Variants in MAPK14 observed in about 807,000 individuals in gnomAD.
MAPK14 encodes mitogen-activated protein kinase 14, also known as CSAID-binding protein.
In MAPK14, 16 loss-of-function variants were observed where a neutral mutation model predicts 49.6. The ratio of observed to expected loss-of-function variants is 0.32; its 90% CI spans 0.22 to 0.49. MAPK14 has a LOEUF of 0.49. Ranked by LOEUF, MAPK14 falls within the 20% of genes least tolerant of loss-of-function variation. MAPK14 has a pLI of 0.99. For synonymous variants in MAPK14, 142 were observed against 158.0 expected (o/e 0.90, Z 0.76); for missense variants, 200 against 441.2 (o/e 0.45, Z 4.90).
chr6:36,106,331 AG>A (rs1313641180), intron 10 of MAPK14, among the ~76,000 whole-genome samples: 1 of 152,182 alleles, frequency 6.6e-6, no homozygotes, highest in African/African-American at 2.4e-5. Flanking sequence ...GGACAATCAG[AG>A]GGTCTCTTTA....
At chr6:36,064,626 C>T (rs851014) in intron 3 of MAPK14, among the ~76,000 whole-genome samples, 1,605 of 152,276 alleles carry the variant, frequency 0.011, 11 homozygotes, top group Non-Finnish European at 0.019. Context: ...AATGATTGCT[C>T]AACTAATAAG....
chr6:36,027,935 G>T lies in MAPK14; in HGVS notation c.-223G>T, dbSNP rs1479690226. 2 of 425,846 alleles carry T rather than the reference G, an allele frequency of 4.7e-6. No individual in the cohort carries two copies. Among genetic ancestry groups the T allele is most frequent in the Non-Finnish European group, 8.2e-6 (2 of 245,390 alleles). 26.4% of individuals were successfully genotyped at this position (425,846 alleles called of 1,614,324 possible). A position where few individuals can be genotyped will look rare whatever the true frequency, so the allele number is the denominator to read the frequency against. ...GTCTTGAGCGCCGGAGCGCGTCCCT[G>T]CCCTTAGCGGGGCTTGCCCCAGTCG... is the stretch of plus-strand genomic sequence containing the variant. On this transcript the variant is annotated 5_prime_UTR_variant, in exon 1 of 12. Transcript: ENST00000229794.
chr6:36,118,551 G>C, the MAPK14 span, among the ~76,000 whole-genome samples: 7 of 152,308 alleles, frequency 4.6e-5, no homozygotes, highest in Admixed American at 4.6e-4. Context: ...GGCGTCCAGG[G>C]CTGCATGTCC....
intron 1 of MAPK14, among the ~76,000 whole-genome samples, chr6:36,042,065 T>A (rs186192257): frequency 6.6e-6 from 1 of 152,020 alleles, no homozygotes; most frequent in Admixed American, 6.5e-5. Flanking sequence ...AGAGAATAGA[T>A]ATGAAAAGGA....
intron 8 of MAPK14, among the ~76,000 whole-genome samples, chr6:36,082,231 G>A (rs917714464): frequency 3.3e-5 from 5 of 152,144 alleles, no homozygotes; most frequent in Admixed American, 2.0e-4. Context: ...CTTGTCTAAT[G>A]TAATGGCTCT....
At chr6:36,103,719 T>G (rs1480002033) in intron 10 of MAPK14, among the ~76,000 whole-genome samples, 2 of 152,154 alleles carry the variant, frequency 1.3e-5, no homozygotes, top group African/African-American at 2.4e-5. Context: ...ATTCCCTGAC[T>G]CTTGAAGAGG....
chr6:36,092,498 A>G (rs1188937587), intron 8 of MAPK14: 3 of 568,586 alleles, frequency 5.3e-6, no homozygotes, highest in Non-Finnish European at 6.7e-6. Context: ...TCCTGGTTGT[A>G]TGTTTCACTG....
chr6:36,101,949 T>C (rs1237056132), intron 9 of MAPK14, among the ~76,000 whole-genome samples: 3 of 152,232 alleles, frequency 2.0e-5, no homozygotes, highest in Non-Finnish European at 2.9e-5. Flanking sequence ...CTGAAGGTGA[T>C]AGTGGGATAG....
chr6:36,121,674 T>G, the MAPK14 span, among the ~76,000 whole-genome samples: 1 of 152,204 alleles, frequency 6.6e-6, no homozygotes, highest in South Asian at 2.1e-4. Context: ...TCTTATTTTT[T>G]TAGAGACAGG....
At chr6:36,080,268 C>T (rs181687345) in intron 8 of MAPK14, among the ~76,000 whole-genome samples, 32 of 152,226 alleles carry the variant, frequency 2.1e-4, no homozygotes, top group Middle Eastern at 3.4e-3. Flanking sequence ...TACAATTCAG[C>T]GGCATTAATT....
chr6:36,046,043 A>G (rs926843887), intron 1 of MAPK14, among the ~76,000 whole-genome samples: 2 of 152,140 alleles, frequency 1.3e-5, no homozygotes, highest in African/African-American at 2.4e-5. Flanking sequence ...CACATTTTCT[A>G]TGTGTGTGTG....
At chr6:36,082,712 C>G (rs1764814935) in intron 8 of MAPK14, among the ~76,000 whole-genome samples, 1 of 152,184 alleles carries the variant, frequency 6.6e-6, no homozygotes, top group Admixed American at 6.5e-5. Flanking sequence ...ATCCAAGACC[C>G]TAACACCTTC....
chr6:36,095,454 C>G (rs981685505), intron 8 of MAPK14, among the ~76,000 whole-genome samples: 1 of 152,190 alleles, frequency 6.6e-6, no homozygotes, highest in Non-Finnish European at 1.5e-5. Context: ...GCTTTGGGGT[C>G]TCACAGGCCT....
chr6:36,102,722 G>A (rs1441044075), intron 10 of MAPK14, 73 bp downstream of exon 10: 1 of 1,598,820 alleles, frequency 6.3e-7, no homozygotes, highest in Non-Finnish European at 8.5e-7. Context: ...TTGAAGAAGA[G>A]TTTCTCCTTT....
chr6:36,066,043 T>C (rs976973763), intron 3 of MAPK14, among the ~76,000 whole-genome samples: 3 of 152,142 alleles, frequency 2.0e-5, no homozygotes, highest in African/African-American at 7.2e-5. Flanking sequence ...ACAAAACATG[T>C]GGGTGAGCAG....
chr6:36,123,450 A>G, the MAPK14 span, among the ~76,000 whole-genome samples: 1 of 152,176 alleles, frequency 6.6e-6, no homozygotes, highest in African/African-American at 2.4e-5. Flanking sequence ...GTGACCACAC[A>G]TCCCAGATCC....
rs73407828 is a variant in MAPK14 at position 36,029,356 on chromosome 6, T to G, written c.116+1083T>G. ...TTTAATTTACACCGTGAGTGTGTTTTAAATTAAGTCGATAGCATATAATTT... is the reference window on the plus strand; with the variant it reads ...TTTAATTTACACCGTGAGTGTGTTTGAAATTAAGTCGATAGCATATAATTT... On this transcript the variant is annotated intron_variant, in intron 1 of 11. Transcript: ENST00000229794. Among the ~76,000 whole-genome samples, 599 of 152,346 alleles carry G rather than the reference T, an allele frequency of 3.9e-3. 4 individuals carry two copies. Among genetic ancestry groups the G allele is most frequent in the African/African-American group, 0.014 (564 of 41,580 alleles).
downstream of MAPK14, among the ~76,000 whole-genome samples, chr6:36,115,941 A>AAT (rs1766053487): frequency 6.6e-6 from 1 of 151,480 alleles, no homozygotes; most frequent in African/African-American, 2.4e-5. Context: ...AAAAAAAAAA[A>AAT]AAATGAAAAA....
chr6:36,075,342 G>A (rs926377970), intron 6 of MAPK14, among the ~76,000 whole-genome samples: 2 of 151,896 alleles, frequency 1.3e-5, no homozygotes, highest in African/African-American at 2.4e-5. Context: ...CTATAGATTA[G>A]GTTTATCTTT....
Sources: gnomAD v4.1 joint callset for allele counts (sites outside exome capture counted in the v4.1 genomes callset) on GRCh38, gnomAD v4.1.1 for gene constraint, MANE v1.5 for transcripts, NCBI Gene and HGNC (gene_info 2026-07-23, HGNC 2026-07-21) for gene names.